PCDH9: variants seen among roughly 807,000 people sequenced by gnomAD.
The protein encoded by PCDH9 is protocadherin 9.
In PCDH9, 24 loss-of-function variants were observed where a neutral mutation model predicts 70.6. The observed-to-expected ratio is 0.34, with a 90% CI of 0.25 to 0.48. PCDH9 has a LOEUF of 0.48. Ranked by LOEUF, PCDH9 falls within the 20% of genes least tolerant of loss-of-function variation. The probability of loss-of-function intolerance (pLI) is 0.99; values close to 1 mark genes in which losing one functional copy is unlikely to be tolerated. For missense variants in PCDH9, 1,281 were observed against 1,503.6 expected (o/e 0.85, Z 2.45); for synonymous variants, 562 against 558.5 (o/e 1.01, Z -0.09).
chr13:66,622,818 G>A (rs181859027), intron 4 of PCDH9, among the ~76,000 whole-genome samples: 450 of 152,208 alleles, frequency 3.0e-3, no homozygotes, highest in Non-Finnish European at 3.9e-3. Flanking sequence ...CTGTGGAAGC[G>A]TTGTGCTTTC....
At chr13:66,806,863 G>A (rs891349715) in intron 3 of PCDH9, among the ~76,000 whole-genome samples, 14 of 152,090 alleles carry the variant, frequency 9.2e-5, no homozygotes, top group African/African-American at 3.4e-4. Context: ...AGTAGCAATT[G>A]TTTTGCACTT....
intron 3 of PCDH9, among the ~76,000 whole-genome samples, chr13:66,888,013 C>T (rs539349994): frequency 1.4e-4 from 21 of 152,288 alleles, no homozygotes; most frequent in African/African-American, 4.3e-4. Context: ...TGAAAAGTCA[C>T]TCTATGATAT....
chr13:66,798,754 A>G (rs2080283183), intron 3 of PCDH9, among the ~76,000 whole-genome samples: 1 of 152,168 alleles, frequency 6.6e-6, no homozygotes, highest in African/African-American at 2.4e-5. Flanking sequence ...GCACAGGCAC[A>G]GAAAGAAAAT....
At chr13:66,926,918 G>T (rs781125740) in intron 2 of PCDH9, among the ~76,000 whole-genome samples, 8 of 152,044 alleles carry the variant, frequency 5.3e-5, no homozygotes, top group Non-Finnish European at 8.8e-5. Flanking sequence ...AGAGTACAAG[G>T]TGATTTTAGA....
chr13:67,155,912 C>A (rs1324293511), intron 2 of PCDH9, among the ~76,000 whole-genome samples: 3 of 152,124 alleles, frequency 2.0e-5, no homozygotes, highest in African/African-American at 2.4e-5. Flanking sequence ...CCTGCTACAG[C>A]GTTTTTGGCT....
chr13:66,987,415 CATTA>C (rs1351280235), intron 2 of PCDH9, among the ~76,000 whole-genome samples: 2 of 152,004 alleles, frequency 1.3e-5, no homozygotes, highest in Non-Finnish European at 2.9e-5. Flanking sequence ...GCTGTTGATA[CATTA>C]ATTGTGTTAT....
intron 4 of PCDH9, among the ~76,000 whole-genome samples, chr13:66,344,470 C>T (rs1473205195): frequency 6.6e-6 from 1 of 152,076 alleles, no homozygotes; most frequent in African/African-American, 2.4e-5. Flanking sequence ...TCCAAATGCA[C>T]ATTGACATAT....
chr13:67,070,076 A>T (rs2085730582), intron 2 of PCDH9, among the ~76,000 whole-genome samples: 1 of 131,922 alleles, frequency 7.6e-6, no homozygotes, highest in Non-Finnish European at 1.7e-5. Context: ...TTAATATAAA[A>T]ATATATTTTA....
At chr13:67,018,995 A>G (rs1594398567) in intron 2 of PCDH9, among the ~76,000 whole-genome samples, 1 of 152,178 alleles carries the variant, frequency 6.6e-6, no homozygotes, top group East Asian at 1.9e-4. Flanking sequence ...TGTTCTCTCA[A>G]GCAGAACTAA....
At chr13:66,358,551 C>CT (rs1566267368) in intron 4 of PCDH9, among the ~76,000 whole-genome samples, 2 of 151,622 alleles carry the variant, frequency 1.3e-5, no homozygotes, top group Admixed American at 6.6e-5. Flanking sequence ...CTACGGAAAA[C>CT]TTTTTTTTCA....
chr13:66,946,145 G>A (rs2083084316), intron 2 of PCDH9, among the ~76,000 whole-genome samples: 3 of 151,852 alleles, frequency 2.0e-5, no homozygotes, highest in Non-Finnish European at 4.4e-5. Context: ...AGATGCCTGA[G>A]CATGCCATTA....
At chr13:67,081,257 G>C (rs1264875423) in intron 2 of PCDH9, among the ~76,000 whole-genome samples, 1 of 152,058 alleles carries the variant, frequency 6.6e-6, no homozygotes, top group Admixed American at 6.6e-5. Context: ...AGTTATTTTG[G>C]CTTGTTTTGT....
At chr13:67,026,015 G>C (rs1327409873) in intron 2 of PCDH9, among the ~76,000 whole-genome samples, 1 of 151,888 alleles carries the variant, frequency 6.6e-6, no homozygotes, top group Non-Finnish European at 1.5e-5. Context: ...ATGATATATA[G>C]GTATTCTACA....
chr13:66,902,694 C>A (rs993846109), intron 3 of PCDH9, among the ~76,000 whole-genome samples: 1 of 151,530 alleles, frequency 6.6e-6, no homozygotes, highest in Non-Finnish European at 1.5e-5. Context: ...AAACATAATT[C>A]TTTAAAAATG....
At chr13:66,706,019 G>A (rs899036815) in intron 3 of PCDH9, among the ~76,000 whole-genome samples, 8 of 152,100 alleles carry the variant, frequency 5.3e-5, no homozygotes, top group African/African-American at 1.2e-4. Flanking sequence ...CTTTGATTGC[G>A]GGAGTATAGA....
intron 3 of PCDH9, among the ~76,000 whole-genome samples, chr13:66,647,697 C>T (rs1263827374): frequency 1.3e-5 from 2 of 152,106 alleles, no homozygotes; most frequent in African/African-American, 4.8e-5. Context: ...GGGGCTTTGT[C>T]TTGCAGCTTA....
chr13:67,184,178 A>T (rs942590473), intron 2 of PCDH9, among the ~76,000 whole-genome samples: 1 of 152,194 alleles, frequency 6.6e-6, no homozygotes, highest in South Asian at 2.1e-4. Flanking sequence ...TGTAGGTTAT[A>T]ACTTCCTTCA....
At chr13:67,045,384 A>C (rs1447006962) in intron 2 of PCDH9, among the ~76,000 whole-genome samples, 2 of 152,046 alleles carry the variant, frequency 1.3e-5, no homozygotes, top group Non-Finnish European at 2.9e-5. Context: ...TTTCCATCAC[A>C]GTCTATGTTA....
At chr13:66,346,111 C>T (rs1489722026) in intron 4 of PCDH9, among the ~76,000 whole-genome samples, 1 of 152,098 alleles carries the variant, frequency 6.6e-6, no homozygotes, top group Non-Finnish European at 1.5e-5. Flanking sequence ...GCTCACGACC[C>T]AAATTATATT....
Sources: allele counts gnomAD v4.1 joint callset (sites outside exome capture counted in the v4.1 genomes callset), GRCh38; gene constraint gnomAD v4.1.1; transcripts MANE v1.5; gene names NCBI Gene and HGNC (gene_info 2026-07-23, HGNC 2026-07-21).